The following CACNB2 variants were observed in gnomAD, a reference collection of about 807,000 sequenced individuals.
CACNB2 encodes the protein voltage-dependent L-type calcium channel subunit beta-2.
A neutral mutation model predicts 73.3 loss-of-function variants in CACNB2; 42 were observed. That is an observed-to-expected ratio of 0.57 (90% CI 0.45 to 0.74). The LOEUF is 0.74. CACNB2 is among the 30% of genes least tolerant of loss of function. CACNB2 has a pLI of 0.00. For missense variants in CACNB2, 940 were observed against 853.0 expected (o/e 1.10, Z -1.27); for synonymous variants, 348 against 310.3 (o/e 1.12, Z -1.28).
At chr10:18,209,902 T>C (rs2035247252) in intron 2 of CACNB2, among the ~76,000 whole-genome samples, 1 of 152,160 alleles carries the variant, frequency 6.6e-6, no homozygotes. Context: ...CTAGTTCAGA[T>C]AGTTTGTCAT....
intron 2 of CACNB2, among the ~76,000 whole-genome samples, chr10:18,191,716 C>T (rs546271587): frequency 2.6e-4 from 39 of 152,182 alleles, no homozygotes; most frequent in Non-Finnish European, 5.3e-4. Flanking sequence ...TGAGTTACTT[C>T]GCTGAGAATA....
intron 3 of CACNB2, among the ~76,000 whole-genome samples, chr10:18,486,759 G>C (rs1450984217): frequency 6.6e-6 from 1 of 152,174 alleles, no homozygotes; most frequent in Non-Finnish European, 1.5e-5. Context: ...GCATGGAGAA[G>C]GTGGGAAATT....
intron 2 of CACNB2, among the ~76,000 whole-genome samples, chr10:18,303,114 G>T (rs1346833579): frequency 6.6e-6 from 1 of 152,152 alleles, no homozygotes; most frequent in Non-Finnish European, 1.5e-5. Context: ...GTCACCTTTG[G>T]AGTTGAAGGA....
intron 2 of CACNB2, among the ~76,000 whole-genome samples, chr10:18,216,313 AAAT>A (rs899279084): frequency 9.2e-5 from 14 of 151,382 alleles, no homozygotes; most frequent in African/African-American, 3.4e-4. Context: ...TAGCAATAAT[AAAT>A]AATAAAAAAT....
chr10:18,191,686 A>C (rs2034404098), intron 2 of CACNB2, among the ~76,000 whole-genome samples: 1 of 152,158 alleles, frequency 6.6e-6, no homozygotes, highest in South Asian at 2.1e-4. Context: ...GAGAACATAC[A>C]ATGTTTGAGT....
chr10:18,264,176 A>T (rs2037682548), intron 2 of CACNB2, among the ~76,000 whole-genome samples: 1 of 152,156 alleles, frequency 6.6e-6, no homozygotes, highest in East Asian at 1.9e-4. Flanking sequence ...TTTTTGAAAA[A>T]ATGTTTTAAT....
At chr10:18,383,425 A>G (rs1178779434) in intron 2 of CACNB2, among the ~76,000 whole-genome samples, 1 of 152,234 alleles carries the variant, frequency 6.6e-6, no homozygotes, top group Non-Finnish European at 1.5e-5. Flanking sequence ...TACGCAGTAC[A>G]GGTGAGTGAC....
At chr10:18,441,162 T>C (rs1258513513) in intron 3 of CACNB2, among the ~76,000 whole-genome samples, 1 of 151,978 alleles carries the variant, frequency 6.6e-6, no homozygotes, top group Non-Finnish European at 1.5e-5. Context: ...CCCAGCACTT[T>C]GGGAGGCCAA....
chr10:18,491,148 A>C (rs2049395725), intron 3 of CACNB2, among the ~76,000 whole-genome samples: 2 of 152,364 alleles, frequency 1.3e-5, no homozygotes, highest in South Asian at 4.1e-4. Flanking sequence ...GCACAATAAG[A>C]AGAAAGAGTA....
chr10:18,431,917 G>T (rs746733938), intron 3 of CACNB2, among the ~76,000 whole-genome samples: 3 of 151,968 alleles, frequency 2.0e-5, no homozygotes, highest in African/African-American at 4.8e-5. Flanking sequence ...GGCGTGTGCC[G>T]CTATACCCAG....
At chr10:18,492,160 A>G (rs1218938456) in intron 3 of CACNB2, among the ~76,000 whole-genome samples, 1 of 152,152 alleles carries the variant, frequency 6.6e-6, no homozygotes, top group Non-Finnish European at 1.5e-5. Flanking sequence ...AGATCTTATG[A>G]GAAGTCTTAT....
Position 18,243,731 on chromosome 10 carries a change from G to A in CACNB2, c.213+92756G>A, listed in dbSNP as rs149376949. 3.3e-5 allele frequency among the ~76,000 whole-genome samples: 5 copies of A among 152,252 alleles called. No homozygotes were observed. The East Asian group carries it at 9.7e-4, about 29-fold the overall frequency. Reference sequence around the variant, plus strand: ...TCTCTTGCTTTTCCTCTTGGCACATGATTTCTACACACACCTGATCCCCTT... The same window carrying A: ...TCTCTTGCTTTTCCTCTTGGCACATAATTTCTACACACACCTGATCCCCTT... On this transcript the variant is annotated intron_variant, in intron 2 of 13. Transcript: ENST00000324631.
At chr10:18,385,377 G>A (rs71497243) in intron 2 of CACNB2, among the ~76,000 whole-genome samples, 15 of 76,590 alleles carry the variant, frequency 2.0e-4, no homozygotes, top group African/African-American at 7.7e-4. Context: ...CCCCCCCCTC[G>A]CCCCCCACAG....
intron 2 of CACNB2, among the ~76,000 whole-genome samples, chr10:18,252,215 C>T (rs2037117855): frequency 6.6e-6 from 1 of 152,172 alleles, no homozygotes; most frequent in South Asian, 2.1e-4. Context: ...GACCGTCAGT[C>T]TAAGAAGCAG....
chr10:18,261,238 G>A (rs1467299894), intron 2 of CACNB2: 9 of 1,550,544 alleles, frequency 5.8e-6, no homozygotes, highest in South Asian at 2.4e-5. Context: ...GCTTGGTGAA[G>A]CCACACGCTG....
At chr10:18,196,360 A>C (rs955210805) in intron 2 of CACNB2, among the ~76,000 whole-genome samples, 2 of 147,160 alleles carry the variant, frequency 1.4e-5, no homozygotes, top group Non-Finnish European at 1.5e-5. Context: ...TGGCCTGATC[A>C]TGGCTCATTG....
intron 4 of CACNB2, chr10:18,498,856 A>C: frequency 4.0e-6 from 1 of 248,866 alleles, no homozygotes; most frequent in Non-Finnish European, 7.9e-6. Flanking sequence ...AATATCTAGA[A>C]TTCATGACTC....
intron 2 of CACNB2, among the ~76,000 whole-genome samples, chr10:18,330,434 C>T (rs990879708): frequency 6.6e-6 from 1 of 151,882 alleles, no homozygotes; most frequent in Non-Finnish European, 1.5e-5. Context: ...GAGGAACACT[C>T]GAGCCTAGGA....
chr10:18,313,943 A>C (rs2040058200), intron 2 of CACNB2, among the ~76,000 whole-genome samples: 1 of 152,258 alleles, frequency 6.6e-6, no homozygotes, highest in South Asian at 2.1e-4. Flanking sequence ...GCTTCATTGA[A>C]ATGTTGTAGA....
Sources: allele counts gnomAD v4.1 joint callset (sites outside exome capture counted in the v4.1 genomes callset), GRCh38; gene constraint gnomAD v4.1.1; transcripts MANE v1.5; gene names NCBI Gene and HGNC (gene_info 2026-07-23, HGNC 2026-07-21).